NLRC5: variants seen among roughly 807,000 people sequenced by gnomAD.
NLRC5 encodes the protein protein NLRC5.
A neutral mutation model predicts 206.9 loss-of-function variants in NLRC5; 114 were observed. The ratio of observed to expected loss-of-function variants is 0.55; its 90% CI spans 0.47 to 0.64. The LOEUF is 0.64. Among genes scored for constraint, NLRC5 ranks in the 30% least tolerant of loss-of-function variants. The pLI is 0.00. For synonymous variants in NLRC5, 952 were observed against 962.8 expected (o/e 0.99, Z 0.21); for missense variants, 2,008 against 2,305.5 (o/e 0.87, Z 2.64).
chr16:57,015,994 C>T (rs1443773144), intron 1 of NLRC5, among the ~76,000 whole-genome samples: 2 of 148,830 alleles, frequency 1.3e-5, no homozygotes, highest in Non-Finnish European at 3.0e-5. Flanking sequence ...GCAGGCAGAT[C>T]ACTTGAAGTC....
Position 57,030,029 on chromosome 16 carries a change from C to T in NLRC5, c.2362C>T (p.Leu788Phe), listed in dbSNP as rs1461331899. 6.8e-6 allele frequency: 11 copies of T among 1,614,066 alleles called. No homozygotes were observed. The highest frequency in any genetic ancestry group is 9.3e-6 in the Non-Finnish European group (11 of 1,180,044). Residue 788 changes from leucine (L) to phenylalanine (F), a missense_variant, in exon 10 of 49, where the codon CTC becomes TTC. Coordinates refer to ENST00000688547, the MANE Select transcript of NLRC5 (RefSeq NM_001384950.1). Reference protein sequence around the residue: ...SSNSICVSTLLCLARVAVTCP... With the variant: ...SSNSICVSTLFCLARVAVTCP... ...CAACAGCATCTGCGTGTCAACCCTACTCTGCTTGGCAAGGGTGGCAGTCAC... is the reference window on the plus strand; with the variant it reads ...CAACAGCATCTGCGTGTCAACCCTATTCTGCTTGGCAAGGGTGGCAGTCAC...
intron 13 of NLRC5, among the ~76,000 whole-genome samples, chr16:57,035,798 C>G (rs1271974017): frequency 6.6e-6 from 1 of 152,180 alleles, no homozygotes; most frequent in African/African-American, 2.4e-5. Flanking sequence ...GGTTCTCCCT[C>G]GAGCAAGTGC....
At chr16:56,999,087 A>G (rs1304155563) in intron 1 of NLRC5, among the ~76,000 whole-genome samples, 1 of 152,224 alleles carries the variant, frequency 6.6e-6, no homozygotes, top group African/African-American at 2.4e-5. Flanking sequence ...TTTTCATTGT[A>G]TCCTCACATG....
chr16:57,058,550 T>C (rs59869451), intron 28 of NLRC5: 21,690 of 319,740 alleles, frequency 0.068, 902 homozygotes, highest in East Asian at 0.14. Flanking sequence ...GATGTCCCTG[T>C]GGCAGGCAAG....
intron 2 of NLRC5, 67 bp from the exon 3 acceptor site, chr16:57,020,634 T>A: frequency 1.7e-6 from 1 of 594,588 alleles, no homozygotes; most frequent in South Asian, 1.8e-5. Flanking sequence ...AGTTCCCCTG[T>A]CCCTCAGCTC....
chr16:57,046,030 C>A (rs1371310703), intron 21 of NLRC5, among the ~76,000 whole-genome samples: 1 of 152,230 alleles, frequency 6.6e-6, no homozygotes, highest in East Asian at 1.9e-4. Context: ...ACAGGGTGGG[C>A]CCATGTGCAG....
At chr16:57,064,597 G>A (rs2066890999) in intron 32 of NLRC5, among the ~76,000 whole-genome samples, 1 of 152,070 alleles carries the variant, frequency 6.6e-6, no homozygotes, top group Non-Finnish European at 1.5e-5. Context: ...TTACCTTTGT[G>A]ATGTAACATT....
intron 10 of NLRC5, among the ~76,000 whole-genome samples, chr16:57,030,392 A>G (rs1215874141): frequency 7.4e-5 from 11 of 148,182 alleles, no homozygotes; most frequent in African/African-American, 2.0e-4. Flanking sequence ...AGATGGATGG[A>G]TGGATGGATG....
chr16:57,074,586 C>A lies in NLRC5; in HGVS notation c.4668-14C>A. On this transcript the variant is annotated splice_polypyrimidine_tract_variant and intron_variant, in intron 38 of 48. Coordinates refer to ENST00000688547, the MANE Select transcript of NLRC5 (RefSeq NM_001384950.1). ...CCCCCAGATGTCAAGTTCACCTGGC[C>A]TCCTCTTCTCCAGCCTCAGTCACCT... The A allele has an allele frequency of 6.2e-7, 1 of 1,613,464 alleles. No individual in the cohort carries two copies. The highest frequency in any genetic ancestry group is 1.1e-5 in the South Asian group (1 of 91,048).
At position 57,083,332 on chromosome 16, in the gene NLRC5, G is replaced by C. The variant is rs2069355462; in HGVS notation, c.*804G>C. ...GTAAGGGACAAAGCCAGGTCTAATGGTACTGGGTAGGGGGCACTGCCAAGA... is the reference window on the plus strand; with the variant it reads ...GTAAGGGACAAAGCCAGGTCTAATGCTACTGGGTAGGGGGCACTGCCAAGA... On this transcript the variant is annotated 3_prime_UTR_variant, in exon 49 of 49. Transcript: ENST00000688547. The C allele has an allele frequency of 6.6e-6, 1 of 152,260 alleles. No homozygotes were observed. The highest frequency in any genetic ancestry group is 6.5e-5 in the Admixed American group (1 of 15,296). The allele number at this position is 152,260 out of a possible 1,614,324, so 9.4% of individuals were successfully genotyped here.
At chr16:57,004,549 C>A in intron 1 of NLRC5, 1 of 152,488 alleles carries the variant, frequency 6.6e-6, no homozygotes, top group Non-Finnish European at 1.5e-5. Flanking sequence ...TGAGGCCAGA[C>A]CAGAGCTGAG....
chr16:57,032,304 G>T (rs1188193230), intron 11 of NLRC5, among the ~76,000 whole-genome samples: 3 of 151,840 alleles, frequency 2.0e-5, no homozygotes, highest in Admixed American at 2.0e-4. Context: ...AGATGCTGAC[G>T]TTGGGAGGAT....
chr16:57,079,855 C>T (rs1382716766), intron 46 of NLRC5, among the ~76,000 whole-genome samples: 10 of 152,232 alleles, frequency 6.6e-5, no homozygotes, highest in African/African-American at 2.4e-4. Context: ...CTTCTTCTGC[C>T]TTTTTCCCCA....
chr16:57,058,936 C>A (rs1217977311), intron 28 of NLRC5, 36 bp from the exon 29 acceptor site: 5 of 1,577,246 alleles, frequency 3.2e-6, no homozygotes, highest in Admixed American at 1.7e-5. Context: ...GGAGGTCCTG[C>A]CCTCACTCCC....
intron 32 of NLRC5, among the ~76,000 whole-genome samples, chr16:57,063,444 C>A (rs2066760383): frequency 6.6e-6 from 1 of 152,112 alleles, no homozygotes; most frequent in Admixed American, 6.5e-5. Context: ...GCATAATATT[C>A]CATTGTGTGG....
rs199475967 is a variant in NLRC5 at position 57,023,663 on chromosome 16, C to A, written c.356-122C>A. 12 of 706,332 alleles carry A rather than the reference C, an allele frequency of 1.7e-5. No homozygotes were observed. In the East Asian group the frequency reaches 3.3e-4, roughly 19 times the overall value. 43.8% of individuals were successfully genotyped at this position (706,332 alleles called of 1,614,324 possible). A position where few individuals can be genotyped will look rare whatever the true frequency, so the allele number is the denominator to read the frequency against. Reference sequence around the variant, plus strand: ...CTGCTGCCTGCCTTTCCAGTCCCTGCATGTGGGTGTACTTGGCTGCCTGCC... The same window carrying A: ...CTGCTGCCTGCCTTTCCAGTCCCTGAATGTGGGTGTACTTGGCTGCCTGCC... On this transcript the variant is annotated intron_variant, in intron 4 of 48. Coordinates refer to ENST00000688547, the MANE Select transcript of NLRC5 (RefSeq NM_001384950.1).
chr16:56,993,130 T>TACAC lies in NLRC5; in HGVS notation c.-128+3514_-128+3515insCACA, dbSNP rs34822472. On this transcript the variant is annotated intron_variant, in intron 1 of 48. Transcript: ENST00000688547. ...ATACACGTATATATGTGTATATATA[T>TACAC]ATACACACACACACACACACACATA... 4.2e-3 allele frequency among the ~76,000 whole-genome samples: 605 copies of TACAC among 143,448 alleles called. 3 individuals are homozygous for TACAC. Among genetic ancestry groups the TACAC allele is most frequent in the African/African-American group, 0.013 (497 of 38,196 alleles). 94.1% of individuals were successfully genotyped at this position (143,448 alleles called of 152,430 possible).
chr16:56,994,603 G>A (rs8058353), intron 1 of NLRC5, among the ~76,000 whole-genome samples: 8,541 of 152,230 alleles, frequency 0.056, 324 homozygotes, highest in South Asian at 0.18. Flanking sequence ...GGAGCATGCT[G>A]GATAGAGAGG....
chr16:57,071,353 T>A (rs532175610), intron 38 of NLRC5, among the ~76,000 whole-genome samples: 31 of 121,880 alleles, frequency 2.5e-4, no homozygotes, highest in African/African-American at 1.0e-3. Flanking sequence ...GTGGTGATGG[T>A]GGTTAATGGG....
Sources: allele counts gnomAD v4.1 joint callset (sites outside exome capture counted in the v4.1 genomes callset), GRCh38; gene constraint gnomAD v4.1.1; transcripts MANE v1.5; gene names NCBI Gene and HGNC (gene_info 2026-07-23, HGNC 2026-07-21).